EFNB2: variants seen among roughly 807,000 people sequenced by gnomAD.
The protein encoded by EFNB2 is ephrin-B2.
EFNB2 carries 5 observed loss-of-function variants against 32.1 expected under a neutral mutation model. The ratio of observed to expected loss-of-function variants is 0.16; its 90% CI spans 0.08 to 0.33. The LOEUF is 0.33. Among genes scored for constraint, EFNB2 ranks in the 10% least tolerant of loss-of-function variants. The pLI is 1.00. For missense variants in EFNB2, 263 were observed against 422.6 expected, an observed-to-expected ratio of 0.62 and a Z score of 3.31; for synonymous variants, 168 against 166.5, an observed-to-expected ratio of 1.01 and a Z score of -0.07.
chr13:106,534,420 G>A (rs1386808677), intron 1 of EFNB2, among the ~76,000 whole-genome samples: 3 of 152,094 alleles, frequency 2.0e-5, no homozygotes, highest in African/African-American at 7.2e-5. Flanking sequence ...CGCGGGCCCC[G>A]GACCACGCCG....
chr13:106,507,736 ATGGAGAG>A (rs1879002705), intron 2 of EFNB2, among the ~76,000 whole-genome samples: 1 of 152,256 alleles, frequency 6.6e-6, no homozygotes, highest in African/African-American at 2.4e-5. Flanking sequence ...TTGCCAAGGC[ATGGAGAG>A]TGAGGGAGGC....
At chr13:106,501,191 T>G (rs780903014) in intron 2 of EFNB2, among the ~76,000 whole-genome samples, 15 of 152,198 alleles carry the variant, frequency 9.9e-5, no homozygotes, top group Non-Finnish European at 2.1e-4. Context: ...GATGCTAACT[T>G]AGAAGAAAAG....
In EFNB2 at chr13:106,501,751, C is replaced by A. The variant is rs557843798; in HGVS notation, c.407-5911G>T. ...GGGACTACAGGAGCCCGCCACCACACCCGGCTCATTTTTTGTATTTTTAGT... is the reference window on the plus strand; with the variant it reads ...GGGACTACAGGAGCCCGCCACCACAACCGGCTCATTTTTTGTATTTTTAGT... On this transcript the variant is annotated intron_variant, in intron 2 of 4. Coordinates refer to ENST00000646441, the MANE Select transcript of EFNB2 (RefSeq NM_004093.4). Among the ~76,000 whole-genome samples, 15 of 152,180 alleles carry A rather than the reference C, an allele frequency of 9.9e-5. No individual in the cohort carries two copies. The East Asian group carries it at 2.9e-3, about 29-fold the overall frequency.
rs80249765 is a variant in EFNB2 at position 106,521,894 on chromosome 13, G to C, written c.123-9082C>G. On this transcript the variant is annotated intron_variant, in intron 1 of 4. Coordinates refer to ENST00000646441, the MANE Select transcript of EFNB2 (RefSeq NM_004093.4). ...CTGAGGCTAAAAAATCATCTACTTT[G>C]GTATTAATCATCTAGAAATCTAACT... Among the ~76,000 whole-genome samples, 1,433 of 151,512 alleles carry C rather than the reference G, an allele frequency of 9.5e-3. 17 individuals are homozygous for C. Among genetic ancestry groups the C allele is most frequent in the African/African-American group, 0.033 (1,365 of 41,332 alleles).
intron 3 of EFNB2, among the ~76,000 whole-genome samples, chr13:106,495,249 A>G (rs2138898956): frequency 6.6e-6 from 1 of 152,362 alleles, no homozygotes; most frequent in Non-Finnish European, 1.5e-5. Context: ...ATTGCAGATG[A>G]CATTTCAATT....
intron 2 of EFNB2, among the ~76,000 whole-genome samples, chr13:106,502,402 A>G (rs1156431889): frequency 6.6e-6 from 1 of 152,234 alleles, no homozygotes; most frequent in Non-Finnish European, 1.5e-5. Context: ...TTCATGATGA[A>G]CAATAATAGG....
intron 2 of EFNB2, among the ~76,000 whole-genome samples, chr13:106,501,352 T>G (rs1251730820): frequency 1.3e-5 from 2 of 152,124 alleles, no homozygotes; most frequent in African/African-American, 4.8e-5. Flanking sequence ...TTCTAACTTC[T>G]TCCTTTTATG....
intron 2 of EFNB2, among the ~76,000 whole-genome samples, chr13:106,507,170 G>A (rs7983611): frequency 0.043 from 6,558 of 152,238 alleles, 469 homozygotes; most frequent in African/African-American, 0.15. Flanking sequence ...ACAGGCTGAT[G>A]TTGCTGTATC....
chr13:106,531,147 G>C lies in EFNB2; in HGVS notation c.122+3696C>G, dbSNP rs1373844909. 2.6e-5 allele frequency among the ~76,000 whole-genome samples: 4 copies of C among 152,334 alleles called. No individual in the cohort carries two copies. In the East Asian group the frequency reaches 7.7e-4, roughly 29 times the overall value. On this transcript the variant is annotated intron_variant, in intron 1 of 4. Coordinates refer to ENST00000646441, the MANE Select transcript of EFNB2 (RefSeq NM_004093.4). ...TAAAAGATTTAGAACCAGGTGCTTA[G>C]CAAATCATCTTAACCTCCAGCTCCT... is the stretch of plus-strand genomic sequence containing the variant.
chr13:106,499,716 GA>G (rs1318637282), intron 2 of EFNB2, among the ~76,000 whole-genome samples: 1 of 151,756 alleles, frequency 6.6e-6, no homozygotes, highest in African/African-American at 2.4e-5. Context: ...CTTGGCTCAG[GA>G]AAAAAATAGA....
At position 106,493,276 on chromosome 13, in the gene EFNB2, G is replaced by A. The variant is rs748856177; in HGVS notation, c.766C>T (p.His256Tyr). ...VVLLLKYRRR[H>Y]RKHSPQHTTT... ...GTGTGCTGCGGCGAGTGCTTCCTGT[G>A]TCTCCTCCGGTACTTCAGCAAGAGG... Residue 256 changes from histidine (H) to tyrosine (Y), a missense_variant, in exon 5 of 5, where the codon CAC becomes TAC. His to Tyr is a moderately conservative substitution (Grantham distance 83). This residue lies in a region of EFNB2 where 172 missense variants were observed against 237.1 expected (regional missense o/e 0.73). Coordinates refer to ENST00000646441, the MANE Select transcript of EFNB2 (RefSeq NM_004093.4). This position sits in a 1 kb window ranked among gnomAD's most constrained non-coding sequence, Gnocchi z 6.1. 6 of 1,614,168 alleles carry A rather than the reference G, an allele frequency of 3.7e-6. No individual in the cohort carries two copies. The highest frequency in any genetic ancestry group is 4.2e-6 in the Non-Finnish European group (5 of 1,180,032).
intron 1 of EFNB2, among the ~76,000 whole-genome samples, chr13:106,515,575 T>C (rs1375674405): frequency 7.2e-5 from 11 of 152,230 alleles, no homozygotes; most frequent in Admixed American, 7.2e-4. Context: ...TAATTGTTTC[T>C]AGAGCTCATT....
At chr13:106,514,215 T>C (rs555514496) in intron 1 of EFNB2, among the ~76,000 whole-genome samples, 1 of 152,264 alleles carries the variant, frequency 6.6e-6, no homozygotes, top group South Asian at 2.1e-4. Context: ...CATTCATTCA[T>C]TCAAAAAAAC....
chr13:106,522,273 T>C (rs1414958966), intron 1 of EFNB2, among the ~76,000 whole-genome samples: 1 of 152,214 alleles, frequency 6.6e-6, no homozygotes, highest in Non-Finnish European at 1.5e-5. Flanking sequence ...AGAGACAAGA[T>C]GCACTGCAGG....
chr13:106,493,535 C>T lies in EFNB2; in HGVS notation c.614-107G>A. On this transcript the variant is annotated intron_variant, in intron 4 of 4. Transcript: ENST00000646441. This position sits in a 1 kb window ranked among gnomAD's most constrained non-coding sequence, Gnocchi z 6.1. ...TGTGAAAAATAAGCCAGGCTTATTA[C>T]TAACTAGAAGCTGGACTTTGCCTCG... 2 of 1,418,138 alleles carry T rather than the reference C, an allele frequency of 1.4e-6. No homozygotes were observed. Among genetic ancestry groups the T allele is most frequent in the Non-Finnish European group, 1.9e-6 (2 of 1,065,168 alleles). The allele number at this position is 1,418,138 out of a possible 1,614,324, so 87.8% of individuals were successfully genotyped here. A position where few individuals can be genotyped will look rare whatever the true frequency, so the allele number is the denominator to read the frequency against.
intron 1 of EFNB2, among the ~76,000 whole-genome samples, chr13:106,515,134 A>G (rs1046789470): frequency 1.3e-5 from 2 of 152,080 alleles, no homozygotes; most frequent in Non-Finnish European, 2.9e-5. Flanking sequence ...TCACCGTCTC[A>G]GCGACAGGTC....
intron 2 of EFNB2, among the ~76,000 whole-genome samples, chr13:106,504,848 G>T (rs1295262111): frequency 2.6e-5 from 4 of 152,126 alleles, no homozygotes; most frequent in Non-Finnish European, 1.5e-5. Flanking sequence ...ATGTTTGAGA[G>T]ATTTTTATTT....
chr13:106,494,153 C>T (rs2138897427), intron 4 of EFNB2, among the ~76,000 whole-genome samples: 1 of 152,320 alleles, frequency 6.6e-6, no homozygotes, highest in South Asian at 2.1e-4. Flanking sequence ...CTCCTTGACT[C>T]TTGGAAAGGG....
chr13:106,533,317 G>C (rs1460307791), intron 1 of EFNB2, among the ~76,000 whole-genome samples: 2 of 152,100 alleles, frequency 1.3e-5, no homozygotes, highest in African/African-American at 4.8e-5. Flanking sequence ...TGCTGCGCGA[G>C]GTCCTAGCCC....
Sources: allele counts gnomAD v4.1 joint callset (sites outside exome capture counted in the v4.1 genomes callset), GRCh38; gene constraint gnomAD v4.1.1; regional missense constraint gnomAD v4.1.1; non-coding constraint Gnocchi (gnomAD v3.1); transcripts MANE v1.5; gene names NCBI Gene and HGNC (gene_info 2026-07-23, HGNC 2026-07-21).